RARB: variants seen among roughly 807,000 people sequenced by gnomAD.
The protein encoded by RARB is retinoic acid receptor beta.
RARB carries 17 observed loss-of-function variants against 51.9 expected under a neutral mutation model. That is an observed-to-expected ratio of 0.33 (90% CI 0.22 to 0.49). The LOEUF (loss-of-function observed/expected upper bound fraction) is 0.49. RARB is among the 20% of genes least tolerant of loss of function. The pLI, the probability that RARB is intolerant of heterozygous loss-of-function variation, is 0.99. For synonymous variants in RARB, 215 were observed against 195.4 expected (o/e 1.10, Z -0.84); for missense variants, 369 against 550.8 (o/e 0.67, Z 3.30).
chr3:24,842,446 T>C (rs909102884), intron 1 of RARB, among the ~76,000 whole-genome samples: 56 of 152,298 alleles, frequency 3.7e-4, no homozygotes, highest in African/African-American at 1.3e-3. Context: ...AGGAATTTGA[T>C]TTGAGGGTTG....
chr3:25,495,952 A>G (rs1295114194), intron 2 of RARB, among the ~76,000 whole-genome samples: 2 of 152,252 alleles, frequency 1.3e-5, no homozygotes. Flanking sequence ...GACATAGTCA[A>G]CGTGCACAAG....
chr3:24,978,271 A>C (rs949017743), intron 2 of RARB, among the ~76,000 whole-genome samples: 2 of 152,150 alleles, frequency 1.3e-5, no homozygotes, highest in African/African-American at 4.8e-5. Context: ...TGTCTTATAA[A>C]ATGAGTTAGG....
At chr3:25,144,802 C>G (rs116006783) in intron 4 of RARB, among the ~76,000 whole-genome samples, 1,662 of 152,294 alleles carry the variant, frequency 0.011, 25 homozygotes, top group African/African-American at 0.033. Flanking sequence ...AGCCCGTATA[C>G]CTCGAGGCTA....
chr3:25,062,491 G>A (rs1397189851), intron 3 of RARB, among the ~76,000 whole-genome samples: 1 of 151,836 alleles, frequency 6.6e-6, no homozygotes, highest in Admixed American at 6.6e-5. Context: ...ATTCTACAAG[G>A]TTACTTAAGT....
chr3:25,195,778 C>T (rs2125366721), intron 5 of RARB, among the ~76,000 whole-genome samples: 1 of 151,972 alleles, frequency 6.6e-6, no homozygotes, highest in Middle Eastern at 3.4e-3. Context: ...TTTTGTGAAG[C>T]TAATCAGATT....
chr3:25,193,996 G>T (rs1382624171), intron 5 of RARB, among the ~76,000 whole-genome samples: 1 of 151,778 alleles, frequency 6.6e-6, no homozygotes, highest in Non-Finnish European at 1.5e-5. Flanking sequence ...GCCAAGATAC[G>T]GAAGCAGCCT....
At chr3:25,330,166 T>C (rs146070839) in intron 5 of RARB, among the ~76,000 whole-genome samples, 2 of 151,088 alleles carry the variant, frequency 1.3e-5, no homozygotes, top group Non-Finnish European at 3.0e-5. Context: ...TACAGAGAAC[T>C]CCACAAAGAT....
At chr3:24,983,751 A>G (rs936112408) in intron 2 of RARB, among the ~76,000 whole-genome samples, 2 of 152,092 alleles carry the variant, frequency 1.3e-5, no homozygotes, top group East Asian at 1.9e-4. Flanking sequence ...CTTCTCCTCT[A>G]TGACCTCAGC....
At chr3:25,488,074 C>T (rs1379501810) in intron 2 of RARB, among the ~76,000 whole-genome samples, 1 of 152,106 alleles carries the variant, frequency 6.6e-6, no homozygotes, top group Non-Finnish European at 1.5e-5. Flanking sequence ...GGAATTGGCC[C>T]CACAATTCCC....
rs146917128 is a variant in RARB at position 25,342,706 on chromosome 3, C to T, written c.179-118487C>T. On this transcript the variant is annotated intron_variant, in intron 5 of 11. Transcript: ENST00000383772. ...AGGTTTTCTCTTACCTGCAGCTGAA[C>T]GCAGCCCTACCTATGATACATTTTT... 3.2e-3 allele frequency among the ~76,000 whole-genome samples: 486 copies of T among 152,294 alleles called. 1 individual carries two copies. The highest frequency in any genetic ancestry group is 7.0e-3 in the Admixed American group (107 of 15,282).
chr3:24,991,559 C>T (rs1292114783), intron 2 of RARB, among the ~76,000 whole-genome samples: 3 of 151,914 alleles, frequency 2.0e-5, no homozygotes, highest in Admixed American at 6.6e-5. Context: ...ACATAATGTT[C>T]AATAGAATAT....
At chr3:25,437,997 G>T (rs1708503289) in intron 1 of RARB, among the ~76,000 whole-genome samples, 1 of 152,192 alleles carries the variant, frequency 6.6e-6, no homozygotes, top group South Asian at 2.1e-4. Context: ...ACATTATTCT[G>T]TGGATGGGCT....
intron 2 of RARB, among the ~76,000 whole-genome samples, chr3:24,972,315 G>T (rs1291145941): frequency 6.6e-6 from 1 of 151,908 alleles, no homozygotes; most frequent in Non-Finnish European, 1.5e-5. Context: ...CAAATGACAT[G>T]GTTTCCTTCT....
chr3:25,149,731 C>G (rs1220739527), intron 4 of RARB, among the ~76,000 whole-genome samples: 1 of 152,150 alleles, frequency 6.6e-6, no homozygotes, highest in Non-Finnish European at 1.5e-5. Flanking sequence ...CTCTGTCCCT[C>G]TGTCCCACCT....
chr3:25,593,994 C>G (rs1297083927), intron 6 of RARB, among the ~76,000 whole-genome samples: 1 of 151,996 alleles, frequency 6.6e-6, no homozygotes, highest in Non-Finnish European at 1.5e-5. Flanking sequence ...AATGAATTGT[C>G]TGGGGACATT....
At chr3:25,591,403 C>T (rs2164360) in intron 5 of RARB, among the ~76,000 whole-genome samples, 26,914 of 152,052 alleles carry the variant, frequency 0.18, 2,516 homozygotes, top group Admixed American at 0.2. Flanking sequence ...CCAGTAAGGC[C>T]GATATCGAAA....
At chr3:25,208,142 C>G (rs1243122369) in intron 5 of RARB, among the ~76,000 whole-genome samples, 2 of 152,108 alleles carry the variant, frequency 1.3e-5, no homozygotes, top group Non-Finnish European at 2.9e-5. Context: ...GAGAAATCTG[C>G]CCACATGATC....
intron 5 of RARB, among the ~76,000 whole-genome samples, chr3:25,343,421 A>G (rs986555262): frequency 1.3e-5 from 2 of 151,854 alleles, no homozygotes; most frequent in African/African-American, 4.8e-5. Flanking sequence ...TGAAGTCTGG[A>G]GGAGATTAAT....
chr3:25,082,132 T>C (rs1285899710), intron 3 of RARB, among the ~76,000 whole-genome samples: 1 of 152,140 alleles, frequency 6.6e-6, no homozygotes, highest in African/African-American at 2.4e-5. Context: ...TCTTTTAACC[T>C]GTGTACTTAT....
Sources: gnomAD v4.1 joint callset for allele counts (sites outside exome capture counted in the v4.1 genomes callset) on GRCh38, gnomAD v4.1.1 for gene constraint, MANE v1.5 for transcripts, NCBI Gene and HGNC (gene_info 2026-07-23, HGNC 2026-07-21) for gene names.